Variants in SRC observed in about 807,000 individuals in gnomAD.
SRC encodes the protein SRC proto-oncogene, non-receptor tyrosine kinase, also known as proto-oncogene tyrosine-protein kinase Src.
In SRC, 13 loss-of-function variants were observed where a neutral mutation model predicts 62.9. The ratio of observed to expected loss-of-function variants is 0.21; its 90% CI spans 0.13 to 0.33. The LOEUF (loss-of-function observed/expected upper bound fraction) is 0.33. SRC is among the 10% of genes least tolerant of loss of function. SRC has a pLI of 1.00. For synonymous variants in SRC, 302 were observed against 317.5 expected, an observed-to-expected ratio of 0.95 and a Z score of 0.52; for missense variants, 457 against 737.3, an observed-to-expected ratio of 0.62 and a Z score of 4.40.
chr20:37,364,787 C>T (rs2070036292), intron 1 of SRC, among the ~76,000 whole-genome samples: 1 of 152,194 alleles, frequency 6.6e-6, no homozygotes. Flanking sequence ...AGGTGCTCAG[C>T]TAAATCTTGT....
chr20:37,394,460 C>T (rs2147094455), intron 7 of SRC, among the ~76,000 whole-genome samples, 183 bp downstream of exon 7: 1 of 152,200 alleles, frequency 6.6e-6, no homozygotes, highest in South Asian at 2.1e-4. Context: ...CCGCGGTGGC[C>T]AGATGTCCAG....
rs1403638223 is a variant in SRC at position 37,351,869 on chromosome 20, G to T, written c.-247+5614G>T. 6.6e-6 allele frequency among the ~76,000 whole-genome samples: 1 copy of T among 152,136 alleles called. No homozygotes were observed. The highest frequency in any genetic ancestry group is 1.5e-5 in the Non-Finnish European group (1 of 68,026). On this transcript the variant is annotated intron_variant, in intron 1 of 13. Coordinates refer to ENST00000373578, the MANE Select transcript of SRC (RefSeq NM_198291.3). The surrounding 1 kb of genome is among the most constrained non-coding windows in gnomAD (Gnocchi z 4.4). ...TTCTGGCTGCTGAGTAATTTGTGGGGATCTGATTCTTATTAAGTGTGTACC... is the reference window on the plus strand; with the variant it reads ...TTCTGGCTGCTGAGTAATTTGTGGGTATCTGATTCTTATTAAGTGTGTACC...
rs575615339 is a variant in SRC at position 37,400,049 on chromosome 20, T to A, written c.860-66T>A. ...TGACACTGGCGCCCAGGTGGGCAGA[T>A]CCTGGATCCCTGTGTGGTAGGAGTT... On this transcript the variant is annotated intron_variant, in intron 9 of 13. Coordinates refer to ENST00000373578, the MANE Select transcript of SRC (RefSeq NM_198291.3). The A allele has an allele frequency of 4.7e-6, 7 of 1,481,254 alleles. No individual in the cohort carries two copies. The African/African-American group carries it at 9.9e-5, about 21-fold the overall frequency. 91.8% of individuals were successfully genotyped at this position (1,481,254 alleles called of 1,614,324 possible). A position where few individuals can be genotyped will look rare whatever the true frequency, so the allele number is the denominator to read the frequency against.
At chr20:37,376,221 A>G (rs1338586849) in intron 2 of SRC, among the ~76,000 whole-genome samples, 1 of 152,238 alleles carries the variant, frequency 6.6e-6, no homozygotes, top group Non-Finnish European at 1.5e-5. Flanking sequence ...GGCATGGCAC[A>G]TGTAGTAGGC....
Position 37,384,363 on chromosome 20 carries a change from G to C in SRC, c.210G>C (p.Ser70=), listed in dbSNP as rs2147050854. The C allele has an allele frequency of 2.7e-6, 4 of 1,462,152 alleles. No individual in the cohort carries two copies. The highest frequency in any genetic ancestry group is 3.6e-6 in the Non-Finnish European group (4 of 1,112,194). 90.6% of individuals were successfully genotyped at this position (1,462,152 alleles called of 1,614,324 possible). A position where few individuals can be genotyped will look rare whatever the true frequency, so the allele number is the denominator to read the frequency against. Reference sequence around the variant, plus strand: ...AGCTGTTCGGAGGCTTCAACTCCTCGGACACCGTCACCTCCCCGCAGAGGG... The same window carrying C: ...AGCTGTTCGGAGGCTTCAACTCCTCCGACACCGTCACCTCCCCGCAGAGGG... The part of the protein sequence containing the change: ...EPKLFGGFNS[S]DTVTSPQRAG... The change falls in exon 4 of 14, where the codon TCG becomes TCC. Residue 70 remains serine, a synonymous_variant. Coordinates refer to ENST00000373578, the MANE Select transcript of SRC (RefSeq NM_198291.3). This position sits in a 1 kb window ranked among gnomAD's most constrained non-coding sequence, Gnocchi z 6.7.
At position 37,404,425 on chromosome 20, in the gene SRC, G is replaced by A. The variant is rs1012042057; in HGVS notation, c.*1046G>A. The A allele has an allele frequency of 2.1e-5, 5 of 233,602 alleles. No individual in the cohort carries two copies. The Admixed American group carries it at 2.2e-4, about 11-fold the overall frequency. The allele number at this position is 233,602 out of a possible 1,614,324, so 14.5% of individuals were successfully genotyped here. A position where few individuals can be genotyped will look rare whatever the true frequency, so the allele number is the denominator to read the frequency against. ...GCCCCTCGGCTCTGGAGGCAATCAA[G>A]CAGACATAGAAGAGCCAAGAGTCCA... is the stretch of plus-strand genomic sequence containing the variant. On this transcript the variant is annotated 3_prime_UTR_variant, in exon 14 of 14. Transcript: ENST00000373578.
rs558685736 is a variant in SRC, at chr20:37,350,166, C to T, written c.-247+3911C>T. Among the ~76,000 whole-genome samples, 291 of 152,350 alleles carry T rather than the reference C, an allele frequency of 1.9e-3. 3 individuals carry two copies. The highest frequency in any genetic ancestry group is 2.6e-3 in the Non-Finnish European group (176 of 68,030). Reference sequence around the variant, plus strand: ...CTCCATGGCCCCCACCCCTTATCTCCGTGGGAAACCCCTCTGGCTTCCCCT... The same window carrying T: ...CTCCATGGCCCCCACCCCTTATCTCTGTGGGAAACCCCTCTGGCTTCCCCT... On this transcript the variant is annotated intron_variant, in intron 1 of 13. Transcript: ENST00000373578.
intron 4 of SRC, 108 bp from the exon 5 acceptor site, chr20:37,385,967 A>G (rs1013830296): frequency 2.4e-6 from 2 of 826,616 alleles, no homozygotes; most frequent in African/African-American, 3.4e-5. Flanking sequence ...TGGGCTGAGC[A>G]CTTGCGTGTG....
At chr20:37,373,275 C>G (rs529544334) in intron 2 of SRC, among the ~76,000 whole-genome samples, 6 of 150,542 alleles carry the variant, frequency 4.0e-5, no homozygotes, top group African/African-American at 1.5e-4. Flanking sequence ...TACGCACACA[C>G]ACACACACAT....
chr20:37,356,584 C>T (rs977166105), intron 1 of SRC, among the ~76,000 whole-genome samples: 4 of 152,140 alleles, frequency 2.6e-5, no homozygotes, highest in African/African-American at 9.7e-5. Flanking sequence ...TCCTCGAAGA[C>T]GCCTGCCTGG....
chr20:37,370,523 C>T (rs1600975947), intron 2 of SRC, among the ~76,000 whole-genome samples: 2 of 152,232 alleles, frequency 1.3e-5, no homozygotes, highest in East Asian at 1.9e-4. Context: ...TGCAGTGAGC[C>T]GAGATCGTGC....
chr20:37,397,898 C>T lies in SRC; in HGVS notation c.859+44C>T, dbSNP rs1482326169. 5 of 1,571,880 alleles carry T rather than the reference C, an allele frequency of 3.2e-6. No individual in the cohort carries two copies. Among genetic ancestry groups the T allele is most frequent in the South Asian group, 2.3e-5 (2 of 86,472 alleles). ...CCTCGGGAGAGGCATCCACCCCCCA[C>T]CCCGTGTGGCAGCTCCGGGCTCCCT... On this transcript the variant is annotated intron_variant, in intron 9 of 13. Transcript: ENST00000373578. This position sits in a 1 kb window ranked among gnomAD's most constrained non-coding sequence, Gnocchi z 4.1.
Position 37,403,121 on chromosome 20 carries a change from C to A in SRC, c.1403-50C>A, listed in dbSNP as rs758183983. The A allele has an allele frequency of 4.0e-6, 6 of 1,484,878 alleles. No individual in the cohort carries two copies. The highest frequency in any genetic ancestry group is 5.4e-6 in the Non-Finnish European group (6 of 1,115,390). 92.0% of individuals were successfully genotyped at this position (1,484,878 alleles called of 1,614,324 possible). ...TGCCCTCCCCATCAGCTTCCCCCAC[C>A]CCACTTTCCTCACCGGAGCCGGGCT... On this transcript the variant is annotated intron_variant, in intron 13 of 13. Coordinates refer to ENST00000373578, the MANE Select transcript of SRC (RefSeq NM_198291.3). This position sits in a 1 kb window ranked among gnomAD's most constrained non-coding sequence, Gnocchi z 7.1.
intron 1 of SRC, among the ~76,000 whole-genome samples, chr20:37,348,319 TCCCCCAAGCC>T (rs1388676380): frequency 6.6e-6 from 1 of 151,868 alleles, no homozygotes; most frequent in Non-Finnish European, 1.5e-5. Context: ...GATGTCTGGC[TCCCCCAAGCC>T]CCAGGAACCA....
Position 37,384,413 on chromosome 20 carries a change from C to T in SRC, c.250+10C>T. 3 of 1,354,182 alleles carry T rather than the reference C, an allele frequency of 2.2e-6. No homozygotes were observed. Among genetic ancestry groups the T allele is most frequent in the Non-Finnish European group, 1.9e-6 (2 of 1,061,682 alleles). The allele number at this position is 1,354,182 out of a possible 1,614,324, so 83.9% of individuals were successfully genotyped here. The stretch of plus-strand genomic sequence containing the variant: ...GCGGGCCCGCTGGCCGGTCAGTGCG[C>T]GGGCGGCGCGGGGTCCTCGCCCACC... On this transcript the variant is annotated intron_variant, in intron 4 of 13. Coordinates refer to ENST00000373578, the MANE Select transcript of SRC (RefSeq NM_198291.3). The surrounding 1 kb of genome is among the most constrained non-coding windows in gnomAD (Gnocchi z 6.7).
intron 1 of SRC, among the ~76,000 whole-genome samples, chr20:37,353,519 C>T (rs1214809893): frequency 6.6e-6 from 1 of 152,194 alleles, no homozygotes; most frequent in Non-Finnish European, 1.5e-5. Flanking sequence ...GAGCAATGAG[C>T]CACCGTGAGC....
intron 2 of SRC, among the ~76,000 whole-genome samples, chr20:37,382,371 T>G (rs1377000608): frequency 6.6e-6 from 1 of 152,120 alleles, no homozygotes. Context: ...AGGATCTGGA[T>G]GTGGAGAGCC....
At chr20:37,373,216 G>A (rs529639145) in intron 2 of SRC, among the ~76,000 whole-genome samples, 18,831 of 128,214 alleles carry the variant, frequency 0.15, 1,883 homozygotes, top group African/African-American at 0.36. Flanking sequence ...CTACACACAT[G>A]TACATACGTA....
rs189013236 is a variant in SRC, at chr20:37,374,142, T to A, written c.-172-8477T>A. 1.3e-5 allele frequency among the ~76,000 whole-genome samples: 2 copies of A among 151,758 alleles called. 1 individual carries two copies. Among genetic ancestry groups the A allele is most frequent in the African/African-American group, 4.8e-5 (2 of 41,380 alleles). ...TTGCCCAGGCTGGAGTGCAGTGGCA[T>A]TATCTCGGCTCACTGCAACCTCTGC... On this transcript the variant is annotated intron_variant, in intron 2 of 13. Coordinates refer to ENST00000373578, the MANE Select transcript of SRC (RefSeq NM_198291.3).
Sources: gnomAD v4.1 joint callset for allele counts (sites outside exome capture counted in the v4.1 genomes callset) on GRCh38, gnomAD v4.1.1 for gene constraint, Gnocchi (gnomAD v3.1) non-coding constraint, MANE v1.5 for transcripts, NCBI Gene and HGNC (gene_info 2026-07-23, HGNC 2026-07-21) for gene names.